NT5C2: variants seen among roughly 807,000 people sequenced by gnomAD.
NT5C2 encodes cytosolic purine 5'-nucleotidase.
A neutral mutation model predicts 76.1 loss-of-function variants in NT5C2; 58 were observed. That is an observed-to-expected ratio of 0.76 (90% CI 0.62 to 0.95). The LOEUF (loss-of-function observed/expected upper bound fraction) is 0.95. Among genes scored for constraint, NT5C2 ranks in the 40% least tolerant of loss-of-function variants. NT5C2 has a pLI of 0.00. For missense variants in NT5C2, 478 were observed against 690.3 expected (o/e 0.69, Z 3.45); for synonymous variants, 229 against 237.4 (o/e 0.96, Z 0.32).
chr10:103,095,534 A>G (rs2067972889), intron 12 of NT5C2, among the ~76,000 whole-genome samples: 1 of 152,252 alleles, frequency 6.6e-6, no homozygotes, highest in African/African-American at 2.4e-5. Flanking sequence ...AGCAACAACT[A>G]ATACAAAATC....
At chr10:103,138,135 T>C (rs1468722575) in intron 4 of NT5C2, among the ~76,000 whole-genome samples, 2 of 152,220 alleles carry the variant, frequency 1.3e-5, no homozygotes, top group African/African-American at 4.8e-5. Context: ...ATCTTTTCCA[T>C]ATTTGTCATG....
At chr10:103,146,311 T>C (rs2081470875) in intron 3 of NT5C2, 2 of 985,470 alleles carry the variant, frequency 2.0e-6, no homozygotes. Flanking sequence ...GAACTTTATC[T>C]GTAACTCCTC....
At chr10:103,114,257 TACA>T (rs1186698789) in intron 4 of NT5C2, among the ~76,000 whole-genome samples, 1 of 151,808 alleles carries the variant, frequency 6.6e-6, no homozygotes, top group East Asian at 1.9e-4. Context: ...TACTAAAAAA[TACA>T]ACAACAAAAA....
intron 4 of NT5C2, among the ~76,000 whole-genome samples, chr10:103,129,794 A>T: frequency 9.1e-6 from 1 of 110,126 alleles, no homozygotes; most frequent in Non-Finnish European, 1.9e-5. Context: ...CCCGTCCGGG[A>T]GGTGAGGGGC....
intron 4 of NT5C2, among the ~76,000 whole-genome samples, chr10:103,110,573 TCTCC>T (rs1375776689): frequency 6.6e-6 from 1 of 152,126 alleles, no homozygotes; most frequent in African/African-American, 2.4e-5. Context: ...AACATACACT[TCTCC>T]CTCCAATTTT....
At chr10:103,131,663 G>A (rs528087697) in intron 4 of NT5C2, among the ~76,000 whole-genome samples, 1 of 152,360 alleles carries the variant, frequency 6.6e-6, no homozygotes, top group African/African-American at 2.4e-5. Flanking sequence ...GCTCACACCT[G>A]TAGTCTCAGC....
intron 3 of NT5C2, chr10:103,153,621 GA>G: frequency 1.0e-6 from 1 of 985,342 alleles, no homozygotes; most frequent in East Asian, 1.1e-4. Flanking sequence ...TAAGAGACAG[GA>G]ATCGTTACTG....
In NT5C2 at chr10:103,139,376, G is replaced by C. The variant is rs1287969271; in HGVS notation, c.175+30C>G. On this transcript the variant is annotated intron_variant, in intron 4 of 18. Coordinates refer to ENST00000404739, the MANE Select transcript of NT5C2 (RefSeq NM_001351169.2). ...CCACTGTGTTATACCCAAAGCAGCA[G>C]TTCTTAAGCAATCAGAAATTGCTAC... 4.7e-6 allele frequency: 7 copies of C among 1,478,586 alleles called. No individual in the cohort carries two copies. In the African/African-American group the frequency reaches 8.4e-5, roughly 18 times the overall value. The allele number at this position is 1,478,586 out of a possible 1,614,324, so 91.6% of individuals were successfully genotyped here.
chr10:103,143,282 C>T (rs1467190072), intron 3 of NT5C2, among the ~76,000 whole-genome samples: 1 of 152,094 alleles, frequency 6.6e-6, no homozygotes, highest in African/African-American at 2.4e-5. Flanking sequence ...TGGGCTCCCC[C>T]ATCAGTGATC....
intron 3 of NT5C2, among the ~76,000 whole-genome samples, chr10:103,165,338 A>G (rs1591653914): frequency 6.6e-6 from 1 of 152,150 alleles, no homozygotes; most frequent in African/African-American, 2.4e-5. Context: ...TACTAAAAAT[A>G]CAAAATTAGC....
chr10:103,127,341 A>G (rs943273510), intron 4 of NT5C2, among the ~76,000 whole-genome samples: 3 of 152,234 alleles, frequency 2.0e-5, no homozygotes, highest in Admixed American at 6.5e-5. Context: ...GTTCTGTTCT[A>G]TATACAAATG....
chr10:103,090,780 G>A lies in NT5C2; in HGVS notation c.1280C>T (p.Thr427Ile). 6.2e-7 allele frequency: 1 copy of A among 1,613,876 alleles called. No individual in the cohort carries two copies. The highest frequency in any genetic ancestry group is 8.5e-7 in the Non-Finnish European group (1 of 1,179,914). The stretch of plus-strand genomic sequence containing the variant: ...CCCATAGCACATGTCCATGTCATGA[G>A]TTACTTTCTAAAACAAAGAACAAGA... ...SSIQRRIKKV[T>I]HDMDMCYGMM... The change falls in exon 18 of 19, where the codon ACT (threonine) becomes ATT (isoleucine). Residue 427 changes from threonine to isoleucine, a missense_variant. By Grantham distance (89) the Thr-to-Ile change is moderately conservative (BLOSUM62 -1). Coordinates refer to ENST00000404739, the MANE Select transcript of NT5C2 (RefSeq NM_001351169.2).
intron 1 of NT5C2, among the ~76,000 whole-genome samples, chr10:103,190,827 A>C (rs2092579629): frequency 6.6e-6 from 1 of 152,218 alleles, no homozygotes; most frequent in African/African-American, 2.4e-5. Flanking sequence ...ATTTACTAAG[A>C]GCCTGTGTGC....
intron 6 of NT5C2, among the ~76,000 whole-genome samples, chr10:103,102,624 C>G (rs1234407424): frequency 6.7e-6 from 1 of 150,102 alleles, no homozygotes; most frequent in Non-Finnish European, 1.5e-5. Flanking sequence ...AGAGAGATTA[C>G]CAAGGTAAAA....
chr10:103,126,801 T>C (rs530274203), intron 4 of NT5C2, among the ~76,000 whole-genome samples: 88 of 152,294 alleles, frequency 5.8e-4, no homozygotes, highest in African/African-American at 8.2e-4. Context: ...GGTCCACTTA[T>C]ATGCGGATTT....
chr10:103,172,910 A>C (rs1055959754), intron 3 of NT5C2, among the ~76,000 whole-genome samples: 1 of 152,248 alleles, frequency 6.6e-6, no homozygotes, highest in African/African-American at 2.4e-5. Flanking sequence ...CAGACAGCTG[A>C]GGCAGGAGAA....
chr10:103,150,172 G>C (rs563947418), intron 3 of NT5C2, among the ~76,000 whole-genome samples: 136 of 152,242 alleles, frequency 8.9e-4, no homozygotes, highest in African/African-American at 2.8e-3. Context: ...TCAAGATGTA[G>C]AATATTTTCT....
chr10:103,190,106 T>TTC (rs2092522529), intron 1 of NT5C2, among the ~76,000 whole-genome samples: 2 of 149,564 alleles, frequency 1.3e-5, no homozygotes, highest in Non-Finnish European at 3.0e-5. Context: ...GTTCAAGCGA[T>TTC]TCTCCTGCCT....
At chr10:103,122,770 G>A (rs1293296728) in intron 4 of NT5C2, among the ~76,000 whole-genome samples, 1 of 152,158 alleles carries the variant, frequency 6.6e-6, no homozygotes, top group Non-Finnish European at 1.5e-5. Context: ...CCTTACCTCT[G>A]AAGACCCAGG....
Sources: gnomAD v4.1 joint callset for allele counts (sites outside exome capture counted in the v4.1 genomes callset) on GRCh38, gnomAD v4.1.1 for gene constraint, MANE v1.5 for transcripts, NCBI Gene and HGNC (gene_info 2026-07-23, HGNC 2026-07-21) for gene names.